CDH13: variants seen among roughly 807,000 people sequenced by gnomAD.
CDH13 encodes cadherin 13.
In CDH13, 24 loss-of-function variants were observed where a neutral mutation model predicts 63.8. That is an observed-to-expected ratio of 0.38 (90% CI 0.27 to 0.53). The LOEUF (loss-of-function observed/expected upper bound fraction) is 0.53. Ranked by LOEUF, CDH13 falls within the 20% of genes least tolerant of loss-of-function variation. The pLI is 0.85. For synonymous variants in CDH13, 503 were observed against 355.3 expected, an observed-to-expected ratio of 1.42 and a Z score of -4.67; for missense variants, 1,049 against 903.1, an observed-to-expected ratio of 1.16 and a Z score of -2.07.
chr16:83,575,636 A>G lies in CDH13; in HGVS notation c.961-26818A>G, dbSNP rs1314180630. Among the ~76,000 whole-genome samples, 5 of 151,850 alleles carry G rather than the reference A, an allele frequency of 3.3e-5. No individual in the cohort carries two copies. The East Asian group carries it at 7.8e-4, about 24-fold the overall frequency. On this transcript the variant is annotated intron_variant, in intron 7 of 13. Coordinates refer to ENST00000567109, the MANE Select transcript of CDH13 (RefSeq NM_001257.5). ...GTATTTTTTCACCTTGCTCCATCCT[A>G]TTGTCCTCATTACCTCTTAACCTCC...
chr16:83,656,444 G>A (rs1212370296), intron 8 of CDH13, among the ~76,000 whole-genome samples: 2 of 152,120 alleles, frequency 1.3e-5, no homozygotes, highest in East Asian at 1.9e-4. Flanking sequence ...TTACAATCCT[G>A]GATACAGGGC....
intron 2 of CDH13, among the ~76,000 whole-genome samples, chr16:83,022,747 C>T (rs1200883772): frequency 6.6e-6 from 1 of 152,144 alleles, no homozygotes; most frequent in East Asian, 1.9e-4. Flanking sequence ...TCTGAAAGGG[C>T]CCCACAACTT....
intron 1 of CDH13, among the ~76,000 whole-genome samples, chr16:82,840,102 G>T (rs1052018516): frequency 6.6e-6 from 1 of 152,102 alleles, no homozygotes; most frequent in African/African-American, 2.4e-5. Context: ...TGCTTGATGA[G>T]GAGAAGAGAC....
intron 2 of CDH13, among the ~76,000 whole-genome samples, chr16:82,905,685 T>A (rs1039351853): frequency 6.6e-6 from 1 of 152,218 alleles, no homozygotes; most frequent in African/African-American, 2.4e-5. Context: ...AAATTAATTT[T>A]AATAATGTAC....
intron 7 of CDH13, among the ~76,000 whole-genome samples, chr16:83,591,775 CT>C (rs1490140792): frequency 2.0e-5 from 3 of 152,228 alleles, no homozygotes; most frequent in Non-Finnish European, 4.4e-5. Flanking sequence ...ACTTATATAT[CT>C]TTTATCTTCA....
At chr16:83,157,291 C>CCT (rs58330694) in intron 4 of CDH13, among the ~76,000 whole-genome samples, 37,642 of 151,764 alleles carry the variant, frequency 0.25, 4,718 homozygotes, top group South Asian at 0.35. Context: ...TGGGTGTTCT[C>CCT]ACAAGGAACA....
intron 7 of CDH13, among the ~76,000 whole-genome samples, chr16:83,570,972 A>ATATATATATATATATATATATATATATAT (rs57638289): frequency 2.7e-5 from 3 of 109,600 alleles, no homozygotes; most frequent in Non-Finnish European, 5.4e-5. Flanking sequence ...TATATATATA[A>ATATATATATATATATATATATATATATAT]AAACCTTCTG....
intron 2 of CDH13, chr16:82,925,937 T>C (rs1296732034): frequency 6.6e-6 from 1 of 152,144 alleles, no homozygotes; most frequent in Non-Finnish European, 1.5e-5. Flanking sequence ...TTTTCCCATT[T>C]TAAAAAATTC....
intron 8 of CDH13, 23 bp from the exon 9 acceptor site, chr16:83,670,767 A>G (rs917631811): frequency 6.2e-7 from 1 of 1,612,300 alleles, no homozygotes; most frequent in Non-Finnish European, 8.5e-7. Context: ...AATAGTGACC[A>G]TTACCATCTG....
chr16:82,785,847 C>T (rs972033311), intron 1 of CDH13, among the ~76,000 whole-genome samples: 5 of 152,158 alleles, frequency 3.3e-5, no homozygotes, highest in Admixed American at 2.0e-4. Flanking sequence ...AGGCAAGTTA[C>T]TTCTATATAG....
chr16:83,056,266 G>T (rs1175046071), intron 3 of CDH13, among the ~76,000 whole-genome samples: 1 of 152,140 alleles, frequency 6.6e-6, no homozygotes, highest in Non-Finnish European at 1.5e-5. Context: ...CTGTAAAGCT[G>T]AACATTCTTG....
intron 9 of CDH13, among the ~76,000 whole-genome samples, chr16:83,674,433 C>T (rs1041766921): frequency 7.2e-5 from 11 of 152,200 alleles, no homozygotes; most frequent in Admixed American, 4.6e-4. Context: ...CTCCTCTTAT[C>T]GGGGCAGAAA....
At chr16:82,643,651 T>TC (rs1909699549) in intron 1 of CDH13, among the ~76,000 whole-genome samples, 1 of 152,258 alleles carries the variant, frequency 6.6e-6, no homozygotes, top group African/African-American at 2.4e-5. Context: ...AACCATCTTT[T>TC]GCCTCACTGG....
intron 2 of CDH13, chr16:82,954,298 C>G (rs1223556301): frequency 6.6e-6 from 1 of 152,100 alleles, no homozygotes; most frequent in Non-Finnish European, 1.5e-5. Context: ...CCCGGAACTT[C>G]CAGTTCACCC....
At chr16:82,783,168 G>C (rs559202251) in intron 1 of CDH13, among the ~76,000 whole-genome samples, 12 of 152,298 alleles carry the variant, frequency 7.9e-5, no homozygotes, top group Middle Eastern at 3.4e-3. Context: ...AGGCTTCCAG[G>C]AGCATGGGCA....
chr16:83,552,604 C>G (rs2075526479), intron 7 of CDH13, among the ~76,000 whole-genome samples: 1 of 152,208 alleles, frequency 6.6e-6, no homozygotes, highest in Non-Finnish European at 1.5e-5. Context: ...TCACATTACT[C>G]TAAGAAGCTG....
At chr16:82,774,247 G>C (rs1288957744) in intron 1 of CDH13, among the ~76,000 whole-genome samples, 1 of 151,894 alleles carries the variant, frequency 6.6e-6, no homozygotes, top group Non-Finnish European at 1.5e-5. Context: ...AAATAAGAAA[G>C]AATATAGGCT....
At chr16:83,522,481 C>G (rs1326293812) in intron 7 of CDH13, among the ~76,000 whole-genome samples, 3 of 152,162 alleles carry the variant, frequency 2.0e-5, no homozygotes, top group Admixed American at 6.5e-5. Flanking sequence ...AAGACGTGGT[C>G]TCTATTACAG....
chr16:82,983,027 G>A (rs746035974), intron 2 of CDH13, among the ~76,000 whole-genome samples: 2 of 152,162 alleles, frequency 1.3e-5, no homozygotes, highest in Non-Finnish European at 2.9e-5. Flanking sequence ...TGTGACCCCA[G>A]ATGCTGTACT....
Sources: allele counts gnomAD v4.1 joint callset (sites outside exome capture counted in the v4.1 genomes callset), GRCh38; gene constraint gnomAD v4.1.1; transcripts MANE v1.5; gene names NCBI Gene and HGNC (gene_info 2026-07-23, HGNC 2026-07-21).